ISG20L2: variants seen among roughly 807,000 people sequenced by gnomAD.
ISG20L2 encodes interferon stimulated exonuclease gene 20 like 2.
A neutral mutation model predicts 27.8 loss-of-function variants in ISG20L2; 14 were observed. That is an observed-to-expected ratio of 0.50 (90% confidence interval 0.33 to 0.79). The LOEUF (loss-of-function observed/expected upper bound fraction) is 0.79. Among genes scored for constraint, ISG20L2 ranks in the 30% least tolerant of loss-of-function variants. ISG20L2 has a pLI of 0.02. For synonymous variants in ISG20L2, 157 were observed against 165.7 expected, an observed-to-expected ratio of 0.95 and a Z score of 0.40; for missense variants, 393 against 435.1, an observed-to-expected ratio of 0.90 and a Z score of 0.86.
chr1:156,727,281 A>G lies in ISG20L2; in HGVS notation c.372T>C (p.Ser124=). The G allele has an allele frequency of 6.2e-7, 1 of 1,614,050 alleles. No homozygotes were observed. The highest frequency in any genetic ancestry group is 1.6e-4 in the Middle Eastern group (1 of 6,062). The part of the protein sequence containing the change: ...AKVDLLGEFQ[S]ALPKINSHPT... Reference sequence around the variant, plus strand: ...GGTGGCTATTGATCTTTGGAAGGGCACTCTGGAACTCCCCCAGCAAATCTA... The same window carrying G: ...GGTGGCTATTGATCTTTGGAAGGGCGCTCTGGAACTCCCCCAGCAAATCTA... The change falls in exon 2 of 4, where the codon AGT becomes AGC. Residue 124 remains serine, a synonymous_variant. Transcript: ENST00000368219.
intron 3 of ISG20L2, 38 bp from the exon 4 acceptor site, chr1:156,723,500 G>T: frequency 6.2e-7 from 1 of 1,612,984 alleles, no homozygotes; most frequent in Non-Finnish European, 8.5e-7. Flanking sequence ...GAAGAGAAAA[G>T]AAACCGTTTC....
chr1:156,727,343 C>T lies in ISG20L2; in HGVS notation c.310G>A (p.Ala104Thr). Residue 104 changes from alanine to threonine, a missense_variant, in exon 2 of 4, where the codon GCC (alanine) becomes ACC (threonine). Physicochemically the swap from Ala to Thr is moderately conservative, Grantham distance 58 (BLOSUM62 0). Transcript: ENST00000368219. ...KKAAVSWLTP[A>T]PSKKADSVAA... ...ACAGAATCAGCCTTTTTTGAAGGGG[C>T]AGGGGTCAACCAAGACACTGCAGCT... The T allele has an allele frequency of 2.5e-6, 4 of 1,614,144 alleles. No individual in the cohort carries two copies. The highest frequency in any genetic ancestry group is 3.4e-6 in the Non-Finnish European group (4 of 1,180,024).
At chr1:156,725,716 A>C (rs952521357) in intron 2 of ISG20L2, 1 of 217,742 alleles carries the variant, frequency 4.6e-6, no homozygotes, top group Non-Finnish European at 7.8e-6. Context: ...CTCGACATAT[A>C]GCCCTCATCA....
intron 2 of ISG20L2, chr1:156,726,485 G>A (rs1648763817): frequency 1.1e-6 from 1 of 903,344 alleles, no homozygotes. Context: ...TGCAGTGGCA[G>A]TGGTGTGATC....
chr1:156,728,318 A>G (rs1648908589), intron 1 of ISG20L2, 97 bp downstream of exon 1: 1 of 985,762 alleles, frequency 1.0e-6, no homozygotes, highest in South Asian at 4.7e-5. Context: ...ACCATCTACC[A>G]GCGCGGGGGT....
In ISG20L2 at chr1:156,724,268, G is replaced by A; in HGVS notation, c.828C>T (p.Pro276=). 3 of 1,614,066 alleles carry A rather than the reference G, an allele frequency of 1.9e-6. No homozygotes were observed. Among genetic ancestry groups the A allele is most frequent in the Non-Finnish European group, 2.5e-6 (3 of 1,179,976 alleles). Residue 276 remains proline, a synonymous_variant, in exon 3 of 4, where the codon CCC becomes CCT. Transcript: ENST00000368219. ...NDFKALQYFH[P]KSLTRDTSHI... Reference sequence around the variant, plus strand: ...GGGAGGTGTCACGGGTGAGGGACTTGGGGTGAAAGTACTGAAGGGCTTTGA... The same window carrying A: ...GGGAGGTGTCACGGGTGAGGGACTTAGGGTGAAAGTACTGAAGGGCTTTGA...
chr1:156,726,060 T>C (rs961133035), intron 2 of ISG20L2: 2 of 985,334 alleles, frequency 2.0e-6, no homozygotes, highest in African/African-American at 3.5e-5. Flanking sequence ...CGTTCATGCC[T>C]TGCGCTCCAT....
rs751669822 is a variant in ISG20L2 at position 156,723,452 on chromosome 1, C to T, written c.959G>A (p.Ser320Asn). 10 of 1,613,934 alleles carry T rather than the reference C, an allele frequency of 6.2e-6. No homozygotes were observed. The highest frequency in any genetic ancestry group is 1.6e-4 in the Middle Eastern group (1 of 6,084). Reference sequence around the variant, plus strand: ...GGCATCTTCCACAGAGGAATGTCCGCTCTTCCCAACCTGAGCAAGCAAGGA... The same window carrying T: ...GGCATCTTCCACAGAGGAATGTCCGTTCTTCCCAACCTGAGCAAGCAAGGA... ...LLNRDIQVGK[S>N]GHSSVEDAQA... The change falls in exon 4 of 4, where the codon AGC (serine) becomes AAC (asparagine). Residue 320 changes from serine to asparagine, a missense_variant. Ser to Asn is a conservative substitution (Grantham distance 46). Coordinates refer to ENST00000368219, the MANE Select transcript of ISG20L2 (RefSeq NM_001370150.2).
chr1:156,724,864 TCA>T (rs1648684886), intron 2 of ISG20L2: 1 of 190,396 alleles, frequency 5.3e-6, no homozygotes, highest in Non-Finnish European at 9.7e-6. Context: ...AAATTAAGAA[TCA>T]CATATAAACT....
Position 156,723,175 on chromosome 1 carries a change from G to T in ISG20L2, c.*174C>A. On this transcript the variant is annotated 3_prime_UTR_variant, in exon 4 of 4. Coordinates refer to ENST00000368219, the MANE Select transcript of ISG20L2 (RefSeq NM_001370150.2). Reference sequence around the variant, plus strand: ...TCCATGGGACACTTAACCAGACACAGGACACAACACCTGAGGTGAAATTTC... The same window carrying T: ...TCCATGGGACACTTAACCAGACACATGACACAACACCTGAGGTGAAATTTC... 1.3e-6 allele frequency: 1 copy of T among 757,936 alleles called. No individual in the cohort carries two copies. Among genetic ancestry groups the T allele is most frequent in the Non-Finnish European group, 2.1e-6 (1 of 469,974 alleles). 47.0% of individuals were successfully genotyped at this position (757,936 alleles called of 1,614,324 possible). A position where few individuals can be genotyped will look rare whatever the true frequency, so the allele number is the denominator to read the frequency against.
Position 156,722,756 on chromosome 1 carries a change from C to G in ISG20L2, c.*593G>C, listed in dbSNP as rs1648590643. ...AGTAGCTAGGATTACAGGCTCCTGC[C>G]ACCACACCCCACACATTTTTTGTAT... On this transcript the variant is annotated 3_prime_UTR_variant, in exon 4 of 4. Coordinates refer to ENST00000368219, the MANE Select transcript of ISG20L2 (RefSeq NM_001370150.2). The G allele has an allele frequency of 6.6e-6, 1 of 152,384 alleles. No individual in the cohort carries two copies. Among genetic ancestry groups the G allele is most frequent in the South Asian group, 2.1e-4 (1 of 4,850 alleles). 9.4% of individuals were successfully genotyped at this position (152,384 alleles called of 1,614,324 possible).
chr1:156,726,631 G>A (rs191027351), intron 2 of ISG20L2: 2 of 946,136 alleles, frequency 2.1e-6, no homozygotes, highest in East Asian at 1.2e-4. Context: ...CGATTCTCCC[G>A]CCTCAGCCTC....
chr1:156,725,851 T>A (rs1410693462), intron 2 of ISG20L2: 7 of 984,254 alleles, frequency 7.1e-6, no homozygotes, highest in Non-Finnish European at 8.4e-6. Context: ...AAATAGTCAG[T>A]CACCTCACCT....
intron 1 of ISG20L2, 32 bp downstream of exon 1, chr1:156,728,383 T>TACAGATCGATCTCTCACGCTCACAA (rs1558015172): frequency 1.3e-5 from 13 of 985,472 alleles, no homozygotes; most frequent in Non-Finnish European, 1.6e-5. Flanking sequence ...ATCCCCGCGG[T>TACAGATCGATCTCTCACGCTCACAA]ACAGATCGAT....
At position 156,728,551 on chromosome 1, in the gene ISG20L2, C is replaced by G; in HGVS notation, c.-254G>C. On this transcript the variant is annotated 5_prime_UTR_variant, in exon 1 of 4. Coordinates refer to ENST00000368219, the MANE Select transcript of ISG20L2 (RefSeq NM_001370150.2). ...CGGCGCGCGCACACCCGCACCGCCC[C>G]GACCCCAGGTAGTGAGGCCAGTGAT... 1.0e-6 allele frequency: 1 copy of G among 985,552 alleles called. No homozygotes were observed. The highest frequency in any genetic ancestry group is 1.2e-6 in the Non-Finnish European group (1 of 829,890). 61.1% of individuals were successfully genotyped at this position (985,552 alleles called of 1,614,324 possible). A position where few individuals can be genotyped will look rare whatever the true frequency, so the allele number is the denominator to read the frequency against.
At chr1:156,726,781 T>C (rs1014958924) in intron 2 of ISG20L2, 125 bp downstream of exon 2, 15 of 1,481,020 alleles carry the variant, frequency 1.0e-5, no homozygotes, top group Non-Finnish European at 1.3e-5. Flanking sequence ...CTTCAACAAC[T>C]GATAGATTCT....
At chr1:156,725,733 G>C (rs1028580328) in intron 2 of ISG20L2, 6 of 314,852 alleles carry the variant, frequency 1.9e-5, no homozygotes, top group Non-Finnish European at 2.8e-5. Flanking sequence ...ATCAAAGCTG[G>C]GCAGATTTGC....
chr1:156,727,822 G>T (rs1648868286), intron 1 of ISG20L2, 53 bp from the exon 2 acceptor site: 1 of 1,440,466 alleles, frequency 6.9e-7, no homozygotes, highest in Non-Finnish European at 9.1e-7. Flanking sequence ...GGAGAAAAAT[G>T]AGGTAAGCTC....
chr1:156,725,918 G>C, intron 2 of ISG20L2: 2 of 985,516 alleles, frequency 2.0e-6, no homozygotes, highest in Non-Finnish European at 2.4e-6. Flanking sequence ...AGCGTGTCCA[G>C]AGAGGGCAGA....
Sources: gnomAD v4.1 joint callset for allele counts on GRCh38, gnomAD v4.1.1 for gene constraint, MANE v1.5 for transcripts, NCBI Gene and HGNC (gene_info 2026-07-23, HGNC 2026-07-21) for gene names.